DLGAP3: variants seen among roughly 807,000 people sequenced by gnomAD.
DLGAP3 encodes the protein disks large-associated protein 3.
Under a neutral mutation model 81.2 loss-of-function variants are expected in DLGAP3, and 17 were observed. The observed-to-expected ratio is 0.21, with a 90% CI of 0.14 to 0.31. The LOEUF (loss-of-function observed/expected upper bound fraction) is 0.31, where lower values mean the gene tolerates loss of function less well. Ranked by LOEUF, DLGAP3 falls within the 10% of genes least tolerant of loss-of-function variation. DLGAP3 has a pLI of 1.00. For synonymous variants in DLGAP3, 577 were observed against 587.4 expected (o/e 0.98, Z 0.26); for missense variants, 1,124 against 1,388.0 (o/e 0.81, Z 3.02).
rs563648879 is a variant in DLGAP3 at position 34,895,513 on chromosome 1, A to C, written c.1386+4156T>G. Among the ~76,000 whole-genome samples the C allele has an allele frequency of 1.3e-5, 2 of 152,300 alleles. No homozygotes were observed. The highest frequency in any genetic ancestry group is 4.1e-4 in the South Asian group (2 of 4,832). On this transcript the variant is annotated intron_variant, in intron 5 of 11. Transcript: ENST00000373347. The surrounding 1 kb of genome is among the most constrained non-coding windows in gnomAD (Gnocchi z 4.5). ...TAAGAATACAATACTCCATAAATTAATCTACACATTCAGAGCAATCCCTTC... is the reference window on the plus strand; with the variant it reads ...TAAGAATACAATACTCCATAAATTACTCTACACATTCAGAGCAATCCCTTC...
Position 34,865,667 on chromosome 1 carries a change from T to G in DLGAP3, c.*416A>C. On this transcript the variant is annotated 3_prime_UTR_variant, in exon 12 of 12. Transcript: ENST00000373347. ...GCGGGCTCCTAGGCAGGGTTCGGGA[T>G]TCTTCATAAAAAGCCACGAAGCTTG... The G allele has an allele frequency of 3.5e-6, 1 of 283,608 alleles. No individual in the cohort carries two copies. The allele number at this position is 283,608 out of a possible 1,614,324, so 17.6% of individuals were successfully genotyped here.
chr1:34,904,342 C>G lies in DLGAP3; in HGVS notation c.1042G>C (p.Gly348Arg), dbSNP rs766044952. The change falls in exon 3 of 12, where the codon GGG (glycine) becomes CGG (arginine). Residue 348 changes from glycine to arginine, a missense_variant. Around this residue, in one of 9 missense-constraint regions of DLGAP3, gnomAD observed 357 missense variants for 408.8 expected, o/e 0.87. Transcript: ENST00000373347. The surrounding 1 kb of genome is among the most constrained non-coding windows in gnomAD (Gnocchi z 8.1). ...SQGRDGYPGA[G>R]PGKGLLGPET... ...GGACCCAGGAGCCCCTTGCCTGGCC[C>G]GGCCCCCGGGTATCCATCCCGGCCC... is the stretch of plus-strand genomic sequence containing the variant. The G allele has an allele frequency of 1.2e-6, 2 of 1,611,964 alleles. No individual in the cohort carries two copies. The highest frequency in any genetic ancestry group is 2.2e-5 in the East Asian group (1 of 44,888).
At chr1:34,908,007 C>G (rs1450789939) in intron 1 of DLGAP3, among the ~76,000 whole-genome samples, 2 of 152,258 alleles carry the variant, frequency 1.3e-5, no homozygotes, top group Non-Finnish European at 2.9e-5. Flanking sequence ...TTTCTGTGCT[C>G]TTATTCTAGG....
chr1:34,875,025 A>G (rs1569599806), intron 8 of DLGAP3, among the ~76,000 whole-genome samples: 1 of 152,094 alleles, frequency 6.6e-6, no homozygotes, highest in Non-Finnish European at 1.5e-5. Context: ...GAGATTCAGG[A>G]GGAGTCATGA....
chr1:34,885,926 A>T, intron 6 of DLGAP3, 135 bp from the exon 7 acceptor site: 1 of 1,134,308 alleles, frequency 8.8e-7, no homozygotes, highest in South Asian at 1.6e-5. Flanking sequence ...GCTGCTGCAC[A>T]CACGCCAACG....
At chr1:34,918,968 A>G (rs1052107824) in intron 1 of DLGAP3, among the ~76,000 whole-genome samples, 12 of 152,082 alleles carry the variant, frequency 7.9e-5, no homozygotes, top group African/African-American at 2.7e-4. Flanking sequence ...GTCTGCTGTG[A>G]TGCCTCCTCT....
intron 1 of DLGAP3, among the ~76,000 whole-genome samples, chr1:34,923,476 C>T (rs985891112): frequency 1.8e-4 from 27 of 152,120 alleles, no homozygotes; most frequent in Admixed American, 1.4e-3. Context: ...CACCTCCTGG[C>T]AAGGAAGCAG....
rs192204959 is a variant in DLGAP3, at chr1:34,873,058, G to A, written c.2001-3969C>T. ...ATAACATCTTCTAAGCACTTAGTATGTGCCAGGAGAAGCACTTTCCATGAA... is the reference window on the plus strand; with the variant it reads ...ATAACATCTTCTAAGCACTTAGTATATGCCAGGAGAAGCACTTTCCATGAA... On this transcript the variant is annotated intron_variant, in intron 8 of 11. Transcript: ENST00000373347. The surrounding 1 kb of genome is among the most constrained non-coding windows in gnomAD (Gnocchi z 4.2). 1.2e-3 allele frequency among the ~76,000 whole-genome samples: 177 copies of A among 152,380 alleles called. No individual in the cohort carries two copies. Among genetic ancestry groups the A allele is most frequent in the Middle Eastern group, 3.4e-3 (1 of 294 alleles).
chr1:34,868,137 G>A lies in DLGAP3; in HGVS notation c.2485+468C>T, dbSNP rs1638915275. On this transcript the variant is annotated intron_variant, in intron 9 of 11. Coordinates refer to ENST00000373347, the MANE Select transcript of DLGAP3 (RefSeq NM_001080418.3). The surrounding 1 kb of genome is among the most constrained non-coding windows in gnomAD (Gnocchi z 7.5). ...TCCCAGTGGATCTGACTTACAGGAAGGGCCATGCTCTCCCTCGGGCCAGGG... is the reference window on the plus strand; with the variant it reads ...TCCCAGTGGATCTGACTTACAGGAAAGGCCATGCTCTCCCTCGGGCCAGGG... Among the ~76,000 whole-genome samples, 1 of 152,144 alleles carries A rather than the reference G, an allele frequency of 6.6e-6. No homozygotes were observed. Among genetic ancestry groups the A allele is most frequent in the Non-Finnish European group, 1.5e-5 (1 of 68,034 alleles).
At position 34,865,858 on chromosome 1, in the gene DLGAP3, GGGGCGCA is replaced by G; in HGVS notation, c.*218_*224del. ...CCAGGTGGGCAGGGGATCCAGGTGA[GGGGCGCA>G]GGGCGGAGAGGCACGGCCCCCTGCC... is the stretch of plus-strand genomic sequence containing the variant. On this transcript the variant is annotated 3_prime_UTR_variant, in exon 12 of 12. Transcript: ENST00000373347. 1 of 648,318 alleles carries G rather than the reference GGGGCGCA, an allele frequency of 1.5e-6. No individual in the cohort carries two copies. Among genetic ancestry groups the G allele is most frequent in the Non-Finnish European group, 2.8e-6 (1 of 361,712 alleles). 40.2% of individuals were successfully genotyped at this position (648,318 alleles called of 1,614,324 possible).
intron 1 of DLGAP3, among the ~76,000 whole-genome samples, chr1:34,909,463 A>G (rs1639608069): frequency 6.6e-6 from 1 of 152,172 alleles, no homozygotes; most frequent in East Asian, 1.9e-4. Flanking sequence ...CTGCTCACCT[A>G]TCTCCCAGGA....
chr1:34,885,548 G>A lies in DLGAP3; in HGVS notation c.1844C>T (p.Thr615Ile), dbSNP rs1293816515. 6.2e-7 allele frequency: 1 copy of A among 1,608,682 alleles called. No homozygotes were observed. The highest frequency in any genetic ancestry group is 1.7e-5 in the Admixed American group (1 of 59,998). ...SPKPPTLIIK[T>I]IPGREELRSL... ...CCGCAGCTCCTCCCTGCCAGGGATG[G>A]TCTTGATGATGAGTGTGGGGGGCTT... The change falls in exon 7 of 12, where the codon ACC becomes ATC. Residue 615 changes from threonine to isoleucine, a missense_variant. Thr to Ile is a moderately conservative substitution (Grantham distance 89). This residue lies in a region of DLGAP3 where 379 missense variants were observed against 455.7 expected (regional missense o/e 0.83). Transcript: ENST00000373347.
In DLGAP3 at chr1:34,867,488, A is replaced by G. The variant is rs777983766; in HGVS notation, c.2577+48T>C. On this transcript the variant is annotated intron_variant, in intron 10 of 11. Transcript: ENST00000373347. This position sits in a 1 kb window ranked among gnomAD's most constrained non-coding sequence, Gnocchi z 4.3. The stretch of plus-strand genomic sequence containing the variant: ...CCTGTCTCACCTCCAGCACACACAC[A>G]CTCTGGGTCACATGTATCTGGTAGG... The G allele has an allele frequency of 6.6e-7, 1 of 1,517,992 alleles. No individual in the cohort carries two copies. Among genetic ancestry groups the G allele is most frequent in the African/African-American group, 1.4e-5 (1 of 73,218 alleles). 94.0% of individuals were successfully genotyped at this position (1,517,992 alleles called of 1,614,324 possible). A position where few individuals can be genotyped will look rare whatever the true frequency, so the allele number is the denominator to read the frequency against.
intron 8 of DLGAP3, among the ~76,000 whole-genome samples, chr1:34,880,549 G>A (rs1436467660): frequency 1.3e-5 from 2 of 152,048 alleles, no homozygotes; most frequent in Admixed American, 1.3e-4. Flanking sequence ...TAGTCAACAT[G>A]GTGAAAACCC....
At chr1:34,910,798 T>C (rs1639627999) in intron 1 of DLGAP3, among the ~76,000 whole-genome samples, 1 of 152,182 alleles carries the variant, frequency 6.6e-6, no homozygotes, top group Non-Finnish European at 1.5e-5. Context: ...CATTTTAAAT[T>C]TGTGTGACTC....
At chr1:34,899,086 A>AC (rs1557483001) in intron 5 of DLGAP3, among the ~76,000 whole-genome samples, 1 of 78,310 alleles carries the variant, frequency 1.3e-5, no homozygotes. Context: ...AATCAATTCT[A>AC]CTTTTTTTTT....
chr1:34,912,456 C>T (rs1406545424), intron 1 of DLGAP3, among the ~76,000 whole-genome samples: 1 of 152,174 alleles, frequency 6.6e-6, no homozygotes, highest in African/African-American at 2.4e-5. Context: ...TCACTCCTTC[C>T]CCAGGAAGTT....
chr1:34,873,341 G>A lies in DLGAP3; in HGVS notation c.2001-4252C>T, dbSNP rs1266909942. On this transcript the variant is annotated intron_variant, in intron 8 of 11. Coordinates refer to ENST00000373347, the MANE Select transcript of DLGAP3 (RefSeq NM_001080418.3). The surrounding 1 kb of genome is among the most constrained non-coding windows in gnomAD (Gnocchi z 4.2). Reference sequence around the variant, plus strand: ...TGCTGGAGATGTCTGGGGAGTAGGGGAAGGAATGAAAATGAGCAGCTTTGG... The same window carrying A: ...TGCTGGAGATGTCTGGGGAGTAGGGAAAGGAATGAAAATGAGCAGCTTTGG... Among the ~76,000 whole-genome samples the A allele has an allele frequency of 1.3e-5, 2 of 152,208 alleles. No individual in the cohort carries two copies. The highest frequency in any genetic ancestry group is 2.9e-5 in the Non-Finnish European group (2 of 68,048).
intron 11 of DLGAP3, 77 bp downstream of exon 11, chr1:34,866,971 C>T: frequency 1.6e-5 from 25 of 1,550,714 alleles, no homozygotes; most frequent in Non-Finnish European, 2.1e-5. Context: ...CCCCCTTGTT[C>T]GTCCCACCCT....
Sources: gnomAD v4.1 joint callset for allele counts (sites outside exome capture counted in the v4.1 genomes callset) on GRCh38, gnomAD v4.1.1 for gene constraint, gnomAD v4.1.1 regional missense constraint, Gnocchi (gnomAD v3.1) non-coding constraint, MANE v1.5 for transcripts, NCBI Gene and HGNC (gene_info 2026-07-23, HGNC 2026-07-21) for gene names.